NOL4: variants seen among roughly 807,000 people sequenced by gnomAD.
NOL4 encodes cancer/testis antigen 125.
In NOL4, 17 loss-of-function variants were observed where a neutral mutation model predicts 75.9. That is an observed-to-expected ratio of 0.22 (90% CI 0.15 to 0.34). The LOEUF is 0.34. NOL4 is among the 10% of genes least tolerant of loss of function. NOL4 has a pLI of 1.00. For missense variants in NOL4, 614 were observed against 793.5 expected, an observed-to-expected ratio of 0.77 and a Z score of 2.72; for synonymous variants, 292 against 289.9, an observed-to-expected ratio of 1.01 and a Z score of -0.07.
chr18:34,029,411 G>A (rs1165067373), intron 5 of NOL4, among the ~76,000 whole-genome samples: 12 of 152,138 alleles, frequency 7.9e-5, no homozygotes, highest in Non-Finnish European at 5.9e-5. Flanking sequence ...CCACTAAAGA[G>A]TAATTAAAAA....
At chr18:33,938,156 G>T (rs1453480011) in intron 9 of NOL4, among the ~76,000 whole-genome samples, 2 of 151,972 alleles carry the variant, frequency 1.3e-5, no homozygotes, top group African/African-American at 4.8e-5. Flanking sequence ...TGCAGCTGGT[G>T]GCCTTGCACA....
chr18:33,897,478 C>G (rs945277021), intron 9 of NOL4, among the ~76,000 whole-genome samples: 3 of 152,068 alleles, frequency 2.0e-5, no homozygotes, highest in African/African-American at 7.2e-5. Flanking sequence ...ATGGAGGCAG[C>G]TGGAGACTAT....
At chr18:34,218,129 A>T (rs2037043743) in intron 1 of NOL4, among the ~76,000 whole-genome samples, 1 of 151,816 alleles carries the variant, frequency 6.6e-6, no homozygotes, top group South Asian at 2.1e-4. Context: ...ACAAAGAGTG[A>T]AAGTCTTAGC....
chr18:34,083,354 G>C (rs775725068), intron 5 of NOL4, among the ~76,000 whole-genome samples: 9 of 152,164 alleles, frequency 5.9e-5, no homozygotes, highest in Non-Finnish European at 1.2e-4. Context: ...AACTAGAAGA[G>C]TGGAAAGTCT....
chr18:34,068,557 G>A (rs967186599), intron 5 of NOL4, among the ~76,000 whole-genome samples: 2 of 151,924 alleles, frequency 1.3e-5, no homozygotes, highest in African/African-American at 4.8e-5. Flanking sequence ...GTGCCACCAC[G>A]CCCAGCTAAT....
intron 10 of NOL4, among the ~76,000 whole-genome samples, chr18:33,868,935 T>C (rs1349380917): frequency 6.6e-6 from 1 of 152,088 alleles, no homozygotes; most frequent in African/African-American, 2.4e-5. Flanking sequence ...ATTATTATAT[T>C]GGAAAATATT....
intron 10 of NOL4, among the ~76,000 whole-genome samples, chr18:33,879,999 A>G (rs1233052899): frequency 6.6e-6 from 1 of 152,062 alleles, no homozygotes; most frequent in Non-Finnish European, 1.5e-5. Flanking sequence ...TTTTAACCAC[A>G]GTCTTGTTAA....
intron 5 of NOL4, among the ~76,000 whole-genome samples, chr18:34,042,729 T>C (rs2076194044): frequency 6.6e-6 from 1 of 152,050 alleles, no homozygotes; most frequent in Admixed American, 6.6e-5. Context: ...ACTAGTTATC[T>C]CCATATTACA....
intron 1 of NOL4, chr18:34,222,049 T>C: frequency 6.5e-7 from 1 of 1,535,494 alleles, no homozygotes; most frequent in East Asian, 2.5e-5. Context: ...GTCTCCTGCA[T>C]CAGATCTGCC....
At chr18:34,193,773 A>G (rs2035095307) in intron 1 of NOL4, among the ~76,000 whole-genome samples, 1 of 152,200 alleles carries the variant, frequency 6.6e-6, no homozygotes, top group African/African-American at 2.4e-5. Flanking sequence ...TTGAAAAAAT[A>G]TCTATACTCT....
At chr18:34,168,377 G>A (rs1365571798) in intron 1 of NOL4, among the ~76,000 whole-genome samples, 2 of 151,100 alleles carry the variant, frequency 1.3e-5, no homozygotes, top group Non-Finnish European at 3.0e-5. Flanking sequence ...TTTTTAGCCA[G>A]AAAATTAAGA....
chr18:33,926,371 A>AC (rs1232112282), intron 9 of NOL4, among the ~76,000 whole-genome samples: 5 of 150,540 alleles, frequency 3.3e-5, no homozygotes, highest in African/African-American at 1.2e-4. Flanking sequence ...AAAAAAAAAA[A>AC]AAAAAAAAAA....
chr18:33,989,190 CAAAAAAAAA>C (rs55924436), intron 6 of NOL4, among the ~76,000 whole-genome samples: 5 of 65,086 alleles, frequency 7.7e-5, no homozygotes, highest in African/African-American at 1.2e-4. Flanking sequence ...CCCATCTCTA[CAAAAAAAAA>C]AAAAAAAAAA....
At chr18:34,061,370 A>G (rs1358636230) in intron 5 of NOL4, among the ~76,000 whole-genome samples, 1 of 152,198 alleles carries the variant, frequency 6.6e-6, no homozygotes, top group Non-Finnish European at 1.5e-5. Flanking sequence ...ACCTAATTAT[A>G]TGGGGAAAGA....
intron 10 of NOL4, among the ~76,000 whole-genome samples, chr18:33,856,148 A>G (rs1369349187): frequency 6.6e-6 from 1 of 152,084 alleles, no homozygotes; most frequent in Non-Finnish European, 1.5e-5. Context: ...GGAAGCCTCA[A>G]TAATAATCAG....
chr18:33,989,057 C>A (rs1160355890), intron 6 of NOL4, among the ~76,000 whole-genome samples: 1 of 151,462 alleles, frequency 6.6e-6, no homozygotes, highest in South Asian at 2.1e-4. Flanking sequence ...TATAGTGGTG[C>A]ACACCTGTAG....
intron 6 of NOL4, among the ~76,000 whole-genome samples, chr18:33,977,139 TTACAC>T (rs2071557030): frequency 6.6e-6 from 1 of 152,138 alleles, no homozygotes; most frequent in Admixed American, 6.6e-5. Flanking sequence ...ACTTAGTACT[TTACAC>T]ATATCAGAGT....
intron 5 of NOL4, chr18:34,048,503 C>A: frequency 8.1e-6 from 8 of 985,436 alleles, no homozygotes; most frequent in Non-Finnish European, 8.4e-6. Context: ...CATTGCAGAT[C>A]CAGCATCCCT....
At chr18:33,951,559 C>T (rs1600014107) in intron 8 of NOL4, among the ~76,000 whole-genome samples, 1 of 152,010 alleles carries the variant, frequency 6.6e-6, no homozygotes, top group Non-Finnish European at 1.5e-5. Flanking sequence ...TTTCAATTTG[C>T]CTTTTTATTG....
Sources: allele counts gnomAD v4.1 joint callset (sites outside exome capture counted in the v4.1 genomes callset), GRCh38; gene constraint gnomAD v4.1.1; transcripts MANE v1.5; gene names NCBI Gene and HGNC (gene_info 2026-07-23, HGNC 2026-07-21).